The following SFPQ variants were observed in gnomAD, a reference collection of about 807,000 sequenced individuals.
The protein encoded by SFPQ is splicing factor, proline- and glutamine-rich.
SFPQ carries 11 observed loss-of-function variants against 72.9 expected under a neutral mutation model. The ratio of observed to expected loss-of-function variants is 0.15; its 90% CI spans 0.09 to 0.25. SFPQ has a LOEUF of 0.25. Ranked by LOEUF, SFPQ falls within the 10% of genes least tolerant of loss-of-function variation. The pLI, the probability that SFPQ is intolerant of heterozygous loss-of-function variation, is 1.00. For synonymous variants in SFPQ, 506 were observed against 367.3 expected, an observed-to-expected ratio of 1.38 and a Z score of -4.32; for missense variants, 847 against 993.3, an observed-to-expected ratio of 0.85 and a Z score of 1.98.
intron 6 of SFPQ, among the ~76,000 whole-genome samples, chr1:35,188,311 C>T (rs1366774142): frequency 6.6e-6 from 1 of 152,230 alleles, no homozygotes; most frequent in Non-Finnish European, 1.5e-5. Flanking sequence ...TAAACCAACA[C>T]TGACATATTT....
downstream of SFPQ, chr1:35,182,638 T>C (rs1351036555): frequency 1.2e-4 from 119 of 985,334 alleles, no homozygotes; most frequent in Non-Finnish European, 1.4e-4. Flanking sequence ...AGGTTTGACT[T>C]AGAATTTTTC....
downstream of SFPQ, chr1:35,182,871 CAA>C (rs1264183204): frequency 1.9e-6 from 2 of 1,045,928 alleles, no homozygotes; most frequent in African/African-American, 1.7e-5. Context: ...CTTTAATAGT[CAA>C]AGTCTCTTGT....
intron 5 of SFPQ, among the ~76,000 whole-genome samples, chr1:35,176,869 G>A (rs1211934481): frequency 2.3e-5 from 3 of 129,102 alleles, no homozygotes; most frequent in Admixed American, 8.2e-5. Flanking sequence ...GCAAGACTCC[G>A]TCTCAAAAAA....
downstream of SFPQ, chr1:35,178,705 A>G (rs969769342): frequency 7.6e-6 from 8 of 1,054,526 alleles, no homozygotes; most frequent in Non-Finnish European, 9.2e-6. Flanking sequence ...CACAAAACAA[A>G]GATCAGCCTT....
At chr1:35,176,873 CA>C (rs10604866) in intron 5 of SFPQ, among the ~76,000 whole-genome samples, 2,326 of 91,520 alleles carry the variant, frequency 0.025, 33 homozygotes, top group African/African-American at 0.054. Context: ...GACTCCGTCT[CA>C]AAAAAAAAAA....
At chr1:35,181,575 T>C (rs192433068), downstream of SFPQ, 2 of 1,061,590 alleles carry the variant, frequency 1.9e-6, no homozygotes, top group African/African-American at 3.3e-5. Flanking sequence ...AAAATACCTA[T>C]TAAATACACT....
chr1:35,188,106 A>C lies in SFPQ; in HGVS notation c.1698-16T>G, dbSNP rs201473747. On this transcript the variant is annotated splice_polypyrimidine_tract_variant and intron_variant, in intron 6 of 9. Transcript: ENST00000357214. Reference sequence around the variant, plus strand: ...CTCCTCTTGCCTAGAAATACCCATCAGGTACATAACTGAAGTGTTATCCAC... The same window carrying C: ...CTCCTCTTGCCTAGAAATACCCATCCGGTACATAACTGAAGTGTTATCCAC... 6.4e-4 allele frequency: 993 copies of C among 1,551,570 alleles called. 7 individuals carry two copies. The highest frequency in any genetic ancestry group is 6.3e-5 in the Non-Finnish European group (71 of 1,123,384).
chr1:35,186,742 T>A (rs1367133849), intron 9 of SFPQ, among the ~76,000 whole-genome samples: 2 of 152,194 alleles, frequency 1.3e-5, no homozygotes, highest in Non-Finnish European at 1.5e-5. Context: ...TAAATCTACT[T>A]ATTGCCAAAG....
intron 4 of SFPQ, 44 bp from the exon 5 acceptor site, chr1:35,189,426 A>G (rs1176441885): frequency 7.0e-7 from 1 of 1,430,974 alleles, no homozygotes; most frequent in Admixed American, 1.8e-5. Context: ...TTGTGAATGC[A>G]TACCAGAAAA....
downstream of SFPQ, chr1:35,181,047 TTTCA>T (rs146072763): frequency 3.4e-5 from 36 of 1,065,072 alleles, no homozygotes; most frequent in African/African-American, 4.1e-4. Context: ...TGCACTGTAA[TTTCA>T]TTGTCAGAAA....
At chr1:35,179,502 T>C (rs1639380526), downstream of SFPQ, 1 of 1,055,424 alleles carries the variant, frequency 9.5e-7, no homozygotes, top group East Asian at 5.3e-5. Flanking sequence ...AACAAAATTA[T>C]GAAATACAAT....
intron 9 of SFPQ, among the ~76,000 whole-genome samples, chr1:35,186,460 T>TACAG (rs1199262188): frequency 6.6e-6 from 1 of 152,174 alleles, no homozygotes; most frequent in African/African-American, 2.4e-5. Context: ...AAGGTATACC[T>TACAG]ACAGACAGGC....
Position 35,183,994 on chromosome 1 carries a change from A to T in SFPQ, c.*462T>A. The T allele has an allele frequency of 9.5e-7, 1 of 1,056,544 alleles. No homozygotes were observed. The highest frequency in any genetic ancestry group is 1.1e-6 in the Non-Finnish European group (1 of 873,654). 65.4% of individuals were successfully genotyped at this position (1,056,544 alleles called of 1,614,324 possible). A position where few individuals can be genotyped will look rare whatever the true frequency, so the allele number is the denominator to read the frequency against. Reference sequence around the variant, plus strand: ...CAATTATTTGTAGAAAGCAATACTTAGCCTCCAGATGCATTTCCCAGAAAT... The same window carrying T: ...CAATTATTTGTAGAAAGCAATACTTTGCCTCCAGATGCATTTCCCAGAAAT... On this transcript the variant is annotated 3_prime_UTR_variant, in exon 10 of 10. Transcript: ENST00000357214.
chr1:35,191,650 A>C (rs1640001980), intron 1 of SFPQ, 121 bp from the exon 2 acceptor site: 1 of 706,540 alleles, frequency 1.4e-6, no homozygotes, highest in Admixed American at 2.9e-5. Context: ...GTCAAAATCA[A>C]GGTTTTACTA....
chr1:35,193,121 T>G lies in SFPQ; in HGVS notation c.-72A>C. On this transcript the variant is annotated 5_prime_UTR_variant, in exon 1 of 10. Coordinates refer to ENST00000357214, the MANE Select transcript of SFPQ (RefSeq NM_005066.3). ...GGAAACGTGGAGGCCACCTTGCTTC[T>G]CACAAAATGGCGGATGACACAGGCG... The G allele has an allele frequency of 6.7e-7, 1 of 1,485,180 alleles. No homozygotes were observed. Among genetic ancestry groups the G allele is most frequent in the Non-Finnish European group, 8.9e-7 (1 of 1,125,674 alleles). The allele number at this position is 1,485,180 out of a possible 1,614,324, so 92.0% of individuals were successfully genotyped here. A position where few individuals can be genotyped will look rare whatever the true frequency, so the allele number is the denominator to read the frequency against.
chr1:35,193,135 A>G lies in SFPQ; in HGVS notation c.-86T>C, dbSNP rs987029028. The G allele has an allele frequency of 4.1e-6, 6 of 1,480,008 alleles. No individual in the cohort carries two copies. The South Asian group carries it at 6.7e-5, about 16-fold the overall frequency. The allele number at this position is 1,480,008 out of a possible 1,614,324, so 91.7% of individuals were successfully genotyped here. ...CACCTTGCTTCTCACAAAATGGCGG[A>G]TGACACAGGCGGCGCGCCGCCTTTG... On this transcript the variant is annotated 5_prime_UTR_variant, in exon 1 of 10. Coordinates refer to ENST00000357214, the MANE Select transcript of SFPQ (RefSeq NM_005066.3).
Position 35,190,606 on chromosome 1 carries a change from A to T in SFPQ, c.1320-13T>A. 6.2e-7 allele frequency: 1 copy of T among 1,610,460 alleles called. No homozygotes were observed. Among genetic ancestry groups the T allele is most frequent in the South Asian group, 1.1e-5 (1 of 90,358 alleles). On this transcript the variant is annotated splice_polypyrimidine_tract_variant and intron_variant, in intron 3 of 9. Coordinates refer to ENST00000357214, the MANE Select transcript of SFPQ (RefSeq NM_005066.3). ...TGGACGAGGAGTTCTAATAACAAAA[A>T]TGGTTCCATCTTAGCTTTGTTCCAG...
At chr1:35,187,712 CAA>C (rs1639787945) in intron 7 of SFPQ, among the ~76,000 whole-genome samples, 2 of 151,092 alleles carry the variant, frequency 1.3e-5, no homozygotes, top group South Asian at 4.2e-4. Context: ...GCCTGGGTGA[CAA>C]GAGCAAAACT....
At chr1:35,187,596 T>C (rs1175038999) in intron 7 of SFPQ, among the ~76,000 whole-genome samples, 2 of 152,078 alleles carry the variant, frequency 1.3e-5, no homozygotes, top group African/African-American at 4.8e-5. Context: ...CCGAGCCTGA[T>C]GGCAGGCACT....
Sources: gnomAD v4.1 joint callset for allele counts (sites outside exome capture counted in the v4.1 genomes callset) on GRCh38, gnomAD v4.1.1 for gene constraint, MANE v1.5 for transcripts, NCBI Gene and HGNC (gene_info 2026-07-23, HGNC 2026-07-21) for gene names.